The following DGKZ variants were observed in gnomAD, a reference collection of about 807,000 sequenced individuals.
DGKZ encodes the protein diacylglycerol kinase zeta.
In DGKZ, 45 loss-of-function variants were observed where a neutral mutation model predicts 142.5. The ratio of observed to expected loss-of-function variants is 0.32; its 90% CI spans 0.25 to 0.40. DGKZ has a LOEUF of 0.40. Among genes scored for constraint, DGKZ ranks in the 10% least tolerant of loss-of-function variants. The pLI is 1.00. For synonymous variants in DGKZ, 442 were observed against 527.0 expected (o/e 0.84, Z 2.21); for missense variants, 755 against 1,306.5 (o/e 0.58, Z 6.51).
At position 46,371,399 on chromosome 11, in the gene DGKZ, C is replaced by T. The variant is rs765385714; in HGVS notation, c.642+15C>T. On this transcript the variant is annotated intron_variant, in intron 7 of 30. Transcript: ENST00000527911. ...GCAAGCAGGCAGTGAGTGGTGCCCC[C>T]GCCCCCAGGGCCAGGCCCTGCACTG... 51 of 1,613,004 alleles carry T rather than the reference C, an allele frequency of 3.2e-5. No homozygotes were observed. In the Middle Eastern group the frequency reaches 2.3e-3, roughly 73 times the overall value.
chr11:46,340,844 A>G (rs1231296071), intron 1 of DGKZ, among the ~76,000 whole-genome samples: 1 of 152,200 alleles, frequency 6.6e-6, no homozygotes, highest in Non-Finnish European at 1.5e-5. Flanking sequence ...GGAGGCATGC[A>G]CTTAAACTTC....
At position 46,367,637 on chromosome 11, in the gene DGKZ, C is replaced by A. The variant is rs1467178798; in HGVS notation, c.271-15C>A. The A allele has an allele frequency of 1.9e-6, 3 of 1,588,238 alleles. No homozygotes were observed. Among genetic ancestry groups the A allele is most frequent in the African/African-American group, 1.3e-5 (1 of 74,544 alleles). Reference sequence around the variant, plus strand: ...GGCGGCCAGCGTGTGCTGAGCAAGCCCATCCCGTGGCTAGGAGTCAGCGAC... The same window carrying A: ...GGCGGCCAGCGTGTGCTGAGCAAGCACATCCCGTGGCTAGGAGTCAGCGAC... On this transcript the variant is annotated splice_polypyrimidine_tract_variant and intron_variant, in intron 2 of 30. Transcript: ENST00000527911. The surrounding 1 kb of genome is among the most constrained non-coding windows in gnomAD (Gnocchi z 4.1).
Position 46,367,534 on chromosome 11 carries a change from G to A in DGKZ, c.271-118G>A, listed in dbSNP as rs1943450247. On this transcript the variant is annotated intron_variant, in intron 2 of 30. Transcript: ENST00000527911. The surrounding 1 kb of genome is among the most constrained non-coding windows in gnomAD (Gnocchi z 4.1). ...GGGACAGTGGGGCAGACGGAACAGA[G>A]CAGGGTCGATCGGGGCGCTGGAGTG... 4 of 1,297,696 alleles carry A rather than the reference G, an allele frequency of 3.1e-6. No individual in the cohort carries two copies. The South Asian group carries it at 5.7e-5, about 18-fold the overall frequency. The allele number at this position is 1,297,696 out of a possible 1,614,324, so 80.4% of individuals were successfully genotyped here.
intron 1 of DGKZ, among the ~76,000 whole-genome samples, chr11:46,340,360 C>T (rs1167216582): frequency 2.0e-5 from 3 of 152,156 alleles, no homozygotes; most frequent in Non-Finnish European, 4.4e-5. Context: ...CTGACCGTGT[C>T]GTGGGGGCTT....
At position 46,367,052 on chromosome 11, in the gene DGKZ, T is replaced by C; in HGVS notation, c.162-239T>C. The C allele has an allele frequency of 6.8e-7, 1 of 1,460,818 alleles. No homozygotes were observed. 90.5% of individuals were successfully genotyped at this position (1,460,818 alleles called of 1,614,324 possible). A position where few individuals can be genotyped will look rare whatever the true frequency, so the allele number is the denominator to read the frequency against. On this transcript the variant is annotated intron_variant, in intron 1 of 30. Transcript: ENST00000527911. This position sits in a 1 kb window ranked among gnomAD's most constrained non-coding sequence, Gnocchi z 4.1. ...TGTGGGTCTGGCCTGGGCATGGGCC[T>C]TGAAGCTCTGCCTGGCTGAGGGTTC...
chr11:46,345,171 A>G, upstream of DGKZ: 1 of 956,576 alleles, frequency 1.0e-6, no homozygotes, highest in Non-Finnish European at 1.4e-6. This position sits in a 1 kb window ranked among gnomAD's most constrained non-coding sequence, Gnocchi z 4.1. Flanking sequence ...GCCCAGGTGC[A>G]GATTCCAGCC....
At chr11:46,365,849 C>G (rs1156569984) in intron 1 of DGKZ, 2 of 985,430 alleles carry the variant, frequency 2.0e-6, no homozygotes, top group Non-Finnish European at 2.4e-6. Flanking sequence ...TTTTTGTTTT[C>G]TTTTCCATCA....
intron 27 of DGKZ, 94 bp downstream of exon 27, chr11:46,378,594 G>A: frequency 6.6e-7 from 1 of 1,525,860 alleles, no homozygotes. Context: ...GACCTGCTCA[G>A]GTGCTGTCAT....
chr11:46,374,924 G>A lies in DGKZ; in HGVS notation c.1599-10G>A, dbSNP rs759201517. ...TGTTTTGAGGCCCATGTCATCGCCC[G>A]CCTTTGCAGGTACTGTGCGGGCACC... is the stretch of plus-strand genomic sequence containing the variant. On this transcript the variant is annotated splice_polypyrimidine_tract_variant and intron_variant, in intron 18 of 30. Coordinates refer to ENST00000527911, the Ensembl canonical transcript of DGKZ. 7.3e-5 allele frequency: 116 copies of A among 1,583,954 alleles called. No individual in the cohort carries two copies. The highest frequency in any genetic ancestry group is 9.3e-5 in the Non-Finnish European group (108 of 1,160,424).
intron 25 of DGKZ, 35 bp from the exon 26 acceptor site, chr11:46,378,163 C>T (rs1007019778): frequency 1.1e-5 from 18 of 1,600,520 alleles, no homozygotes; most frequent in East Asian, 2.2e-5. Context: ...TGGCCTGTGC[C>T]GTAGCCGGTC....
intron 9 of DGKZ, 120 bp downstream of exon 9, chr11:46,371,895 G>A: frequency 7.6e-7 from 1 of 1,318,702 alleles, no homozygotes; most frequent in Non-Finnish European, 1.1e-6. Context: ...GTGGGCTCTG[G>A]GGCCTCTGAG....
chr11:46,334,176 G>C (rs749098846), intron 1 of DGKZ, among the ~76,000 whole-genome samples: 1 of 152,200 alleles, frequency 6.6e-6, no homozygotes, highest in Non-Finnish European at 1.5e-5. Flanking sequence ...GGGGTAGGAC[G>C]TTAATGAGGG....
In DGKZ at chr11:46,379,211, G is replaced by A. The variant is rs1376757062; in HGVS notation, c.2548G>A (p.Glu850Lys). Reference sequence around the variant, plus strand: ...CACCTCCCCTTCTCCAGCCCCCCCAGAGATCCTTGATGCGGTGGAGGAAAA... The same window carrying A: ...CACCTCCCCTTCTCCAGCCCCCCCAAAGATCCTTGATGCGGTGGAGGAAAA... The change falls in exon 29 of 31, where the codon GAG becomes AAG. Residue 850 changes from glutamate to lysine, a missense_variant. By Grantham distance (56) the Glu-to-Lys change is moderately conservative. Around this residue, in one of 8 missense-constraint regions of DGKZ, gnomAD observed 100 missense variants for 87.7 expected, o/e 1.14. Coordinates refer to ENST00000527911, the Ensembl canonical transcript of DGKZ. The A allele has an allele frequency of 1.3e-5, 21 of 1,613,018 alleles. 1 individual carries two copies. In the Middle Eastern group the frequency reaches 8.2e-4, roughly 63 times the overall value.
At chr11:46,375,821 G>A in intron 20 of DGKZ, 30 bp from the exon 21 acceptor site, 1 of 1,548,640 alleles carries the variant, frequency 6.5e-7, no homozygotes, top group Non-Finnish European at 8.7e-7. Flanking sequence ...GGCCCTTGCT[G>A]AGCCCCCGCT....
In DGKZ at chr11:46,378,302, G is replaced by A. The variant is rs1590648135; in HGVS notation, c.2374+73G>A. On this transcript the variant is annotated intron_variant, in intron 26 of 30. Transcript: ENST00000527911. ...AGGAGGCTCAGTGGGGTGGGGATAGGGCCCAGACACAGCCTTACACAAACA... is the reference window on the plus strand; with the variant it reads ...AGGAGGCTCAGTGGGGTGGGGATAGAGCCCAGACACAGCCTTACACAAACA... The A allele has an allele frequency of 6.4e-6, 10 of 1,557,456 alleles. No homozygotes were observed. The East Asian group carries it at 2.0e-4, about 32-fold the overall frequency.
intron 1 of DGKZ, among the ~76,000 whole-genome samples, chr11:46,351,544 G>A (rs550981570): frequency 6.6e-6 from 1 of 152,360 alleles, no homozygotes; most frequent in South Asian, 2.1e-4. Context: ...GGAGGGACGT[G>A]TTGAGGGACG....
intron 6 of DGKZ, among the ~76,000 whole-genome samples, chr11:46,370,945 C>G (rs1412965056): frequency 1.3e-5 from 2 of 151,892 alleles, no homozygotes; most frequent in Non-Finnish European, 2.9e-5. Context: ...ATTAGCTGGG[C>G]GTAGTGGTGG....
chr11:46,376,169 G>A, intron 22 of DGKZ, 24 bp downstream of exon 22: 3 of 1,610,458 alleles, frequency 1.9e-6, no homozygotes, highest in Non-Finnish European at 2.5e-6. Flanking sequence ...GCTTCCCCAG[G>A]TGCCCACCGA....
At position 46,367,889 on chromosome 11, in the gene DGKZ, G is replaced by A. The variant is rs533504277; in HGVS notation, c.367-113G>A. On this transcript the variant is annotated intron_variant, in intron 3 of 30. Coordinates refer to ENST00000527911, the Ensembl canonical transcript of DGKZ. The surrounding 1 kb of genome is among the most constrained non-coding windows in gnomAD (Gnocchi z 4.1). ...GGTGAGGGGTGCAGGGGCTTTGTCC[G>A]GATGCCAGGACTGGGGCTTCCCAGT... 7.2e-6 allele frequency: 11 copies of A among 1,517,408 alleles called. No individual in the cohort carries two copies. Among genetic ancestry groups the A allele is most frequent in the African/African-American group, 6.8e-5 (5 of 73,100 alleles). The allele number at this position is 1,517,408 out of a possible 1,614,324, so 94.0% of individuals were successfully genotyped here.
Sources: allele counts gnomAD v4.1 joint callset (sites outside exome capture counted in the v4.1 genomes callset), GRCh38; gene constraint gnomAD v4.1.1; regional missense constraint gnomAD v4.1.1; non-coding constraint Gnocchi (gnomAD v3.1); transcripts MANE v1.5; gene names NCBI Gene and HGNC (gene_info 2026-07-23, HGNC 2026-07-21).